Variants in EYS observed in about 807,000 individuals in gnomAD.
EYS encodes protein eyes shut homolog.
Under a neutral mutation model 282.1 loss-of-function variants are expected in EYS, and 250 were observed. The ratio of observed to expected loss-of-function variants is 0.89; its 90% CI spans 0.80 to 0.98. The LOEUF (loss-of-function observed/expected upper bound fraction) is 0.98. Ranked by LOEUF, EYS falls within the 50% of genes least tolerant of loss-of-function variation. The pLI is 0.00. For synonymous variants in EYS, 1,355 were observed against 1,282.9 expected (o/e 1.06, Z -1.20); for missense variants, 4,016 against 3,709.0 (o/e 1.08, Z -2.15).
intron 34 of EYS, among the ~76,000 whole-genome samples, chr6:63,985,850 T>C (rs1259341398): frequency 6.6e-6 from 1 of 151,774 alleles, no homozygotes; most frequent in Non-Finnish European, 1.5e-5. Context: ...AATACCATTC[T>C]GGACATAGGA....
rs1460959115 is a variant in EYS at position 65,544,907 on chromosome 6, C to T, written c.-332-48914G>A. On this transcript the variant is annotated intron_variant, in intron 2 of 42. Transcript: ENST00000503581. ...AACCAAAGTACATGTTTACAAAAAT[C>T]TTCTTTATAAAATAATTTAAAAGAA... 3.3e-5 allele frequency among the ~76,000 whole-genome samples: 5 copies of T among 151,920 alleles called. No homozygotes were observed. In the East Asian group the frequency reaches 9.7e-4, roughly 29 times the overall value.
At chr6:64,091,374 C>A (rs536524429) in intron 31 of EYS, among the ~76,000 whole-genome samples, 3 of 152,234 alleles carry the variant, frequency 2.0e-5, no homozygotes, top group African/African-American at 7.2e-5. Context: ...TCCCTCACCC[C>A]CAGATTAACC....
intron 29 of EYS, among the ~76,000 whole-genome samples, chr6:64,373,984 C>G (rs566224263): frequency 1.1e-4 from 17 of 152,026 alleles, no homozygotes; most frequent in African/African-American, 4.1e-4. Context: ...TGTGGGGATG[C>G]CTGCCCTTCC....
chr6:64,314,194 C>CAAAA (rs138447983), intron 29 of EYS, among the ~76,000 whole-genome samples: 2,412 of 27,626 alleles, frequency 0.087, 598 homozygotes, highest in Middle Eastern at 0.19. Context: ...AAATGGAAAG[C>CAAAA]AAAAAAAAAA....
At chr6:64,162,545 T>C (rs564152416) in intron 31 of EYS, among the ~76,000 whole-genome samples, 1 of 152,214 alleles carries the variant, frequency 6.6e-6, no homozygotes, top group East Asian at 1.9e-4. Flanking sequence ...GCTAAAATCA[T>C]ATAGGGAAAG....
chr6:65,639,134 G>T (rs767134173), intron 2 of EYS, among the ~76,000 whole-genome samples: 1 of 152,070 alleles, frequency 6.6e-6, no homozygotes, highest in Non-Finnish European at 1.5e-5. Flanking sequence ...AAATCTAAGA[G>T]AAAAAGTAAA....
Position 64,673,343 on chromosome 6 carries a change from A to G in EYS, c.3444-47098T>C, listed in dbSNP as rs577424892. On this transcript the variant is annotated intron_variant, in intron 22 of 42. Transcript: ENST00000503581. ...TTTATGTTGACCATAGGGACAGCACAGTATAATTGAGTTATGATAACACTA... is the reference window on the plus strand; with the variant it reads ...TTTATGTTGACCATAGGGACAGCACGGTATAATTGAGTTATGATAACACTA... Among the ~76,000 whole-genome samples the G allele has an allele frequency of 6.6e-5, 10 of 152,246 alleles. No homozygotes were observed. In the South Asian group the frequency reaches 8.3e-4, roughly 13 times the overall value.
chr6:63,803,933 A>G (rs1770839773), intron 37 of EYS, among the ~76,000 whole-genome samples: 1 of 152,212 alleles, frequency 6.6e-6, no homozygotes, highest in African/African-American at 2.4e-5. Flanking sequence ...GGGGTGGGAC[A>G]AGACTTACTT....
intron 12 of EYS, among the ~76,000 whole-genome samples, chr6:65,284,219 A>G (rs896500609): frequency 1.3e-5 from 2 of 152,110 alleles, no homozygotes; most frequent in Non-Finnish European, 2.9e-5. Context: ...GCTACCAGAT[A>G]ACAGAAAATC....
Position 65,066,203 on chromosome 6 carries a change from A to G in EYS, c.2024-8476T>C, listed in dbSNP as rs534572010. ...TAATCTCAATTTATTAAACATTACC[A>G]CTTGCCACTGTCCAAACATGTATAT... On this transcript the variant is annotated intron_variant, in intron 12 of 42. Coordinates refer to ENST00000503581, the MANE Select transcript of EYS (RefSeq NM_001142800.2). 7.2e-5 allele frequency among the ~76,000 whole-genome samples: 11 copies of G among 152,334 alleles called. No individual in the cohort carries two copies. In the South Asian group the frequency reaches 2.1e-3, roughly 29 times the overall value.
chr6:64,126,057 G>C (rs574968275), intron 31 of EYS, among the ~76,000 whole-genome samples: 1 of 152,128 alleles, frequency 6.6e-6, no homozygotes, highest in East Asian at 1.9e-4. Flanking sequence ...TACACTGTTG[G>C]TGGGACTGTA....
chr6:63,927,003 A>T (rs1251905511), intron 35 of EYS, among the ~76,000 whole-genome samples: 1 of 152,138 alleles, frequency 6.6e-6, no homozygotes, highest in African/African-American at 2.4e-5. Flanking sequence ...GCTTTGGGAG[A>T]AAGATTGGGT....
chr6:65,661,347 T>G (rs1408302501), intron 1 of EYS, among the ~76,000 whole-genome samples: 1 of 151,994 alleles, frequency 6.6e-6, no homozygotes, highest in African/African-American at 2.4e-5. Flanking sequence ...TCTATGCCCC[T>G]TCCATGTAGT....
Position 65,112,106 on chromosome 6 carries a change from T to C in EYS, c.2024-54379A>G, listed in dbSNP as rs144946466. On this transcript the variant is annotated intron_variant, in intron 12 of 42. Transcript: ENST00000503581. ...GACCATATTAACTTGCTTTCCATCA[T>C]AGCATGCTTTCTCTGCAGTCAAAAA... Among the ~76,000 whole-genome samples the C allele has an allele frequency of 2.7e-3, 406 of 152,280 alleles. 2 individuals carry two copies. Among genetic ancestry groups the C allele is most frequent in the African/African-American group, 9.1e-3 (378 of 41,576 alleles).
intron 26 of EYS, among the ~76,000 whole-genome samples, chr6:64,504,746 T>C (rs1241415259): frequency 6.6e-6 from 1 of 152,112 alleles, no homozygotes; most frequent in Non-Finnish European, 1.5e-5. Flanking sequence ...ACAGCACAGA[T>C]GTGAAAAGTA....
chr6:65,398,205 TTGTC>T (rs1350171404), intron 7 of EYS, among the ~76,000 whole-genome samples: 1 of 152,014 alleles, frequency 6.6e-6, no homozygotes, highest in Non-Finnish European at 1.5e-5. Flanking sequence ...ATTCTATAGT[TTGTC>T]TGTTTACTCT....
intron 12 of EYS, among the ~76,000 whole-genome samples, chr6:65,163,792 G>T (rs1764906274): frequency 6.6e-6 from 1 of 151,118 alleles, no homozygotes; most frequent in Admixed American, 6.6e-5. Flanking sequence ...AAATGACATG[G>T]TCCACAAATT....
chr6:65,621,536 C>T (rs168511), intron 2 of EYS, among the ~76,000 whole-genome samples: 1 of 146,426 alleles, frequency 6.8e-6, no homozygotes. Flanking sequence ...TTTAATTGGA[C>T]CATTTAGTCC....
chr6:63,721,781 GA>G lies in EYS; in HGVS notation c.8249del (p.Ile2750ThrfsTer3), dbSNP rs1768405801. ...LKAQSGDFLC[I>X]SLVNSSVQLR... ...GTTGAACGGAACTATTTACTAAAGA[GA>G]TGCATAAAAAATCACCTGCAAGAAA... On this transcript the variant is annotated frameshift_variant, in exon 43 of 43. Transcript: ENST00000503581. LOFTEE classifies it low-confidence loss of function (END_TRUNC). 6.5e-7 allele frequency: 1 copy of G among 1,542,160 alleles called. No individual in the cohort carries two copies. The highest frequency in any genetic ancestry group is 1.4e-5 in the African/African-American group (1 of 72,538).
Sources: gnomAD v4.1 joint callset for allele counts (sites outside exome capture counted in the v4.1 genomes callset) on GRCh38, gnomAD v4.1.1 for gene constraint, MANE v1.5 for transcripts, NCBI Gene and HGNC (gene_info 2026-07-23, HGNC 2026-07-21) for gene names.